The following FXYD7 variants were observed in gnomAD, a reference collection of about 807,000 sequenced individuals.
FXYD7 encodes FXYD domain-containing ion transport regulator 7.
In FXYD7, 7 loss-of-function variants were observed where a neutral mutation model predicts 15.3. That is an observed-to-expected ratio of 0.46 (90% CI 0.26 to 0.86). FXYD7 has a LOEUF of 0.86. Ranked by LOEUF, FXYD7 falls within the 40% of genes least tolerant of loss-of-function variation. The pLI, the probability that FXYD7 is intolerant of heterozygous loss-of-function variation, is 0.16. For synonymous variants in FXYD7, 39 were observed against 39.3 expected, an observed-to-expected ratio of 0.99 and a Z score of 0.03; for missense variants, 78 against 100.6, an observed-to-expected ratio of 0.78 and a Z score of 0.96.
Position 35,143,325 on chromosome 19 carries a change from C to A in FXYD7, c.-9C>A. 2.0e-6 allele frequency: 3 copies of A among 1,536,298 alleles called. No homozygotes were observed. Among genetic ancestry groups the A allele is most frequent in the Non-Finnish European group, 2.6e-6 (3 of 1,141,270 alleles). ...CAAAGCATCCAGCAGCCCCCTGCTC[C>A]GGCCCAGCATGGCGACCCCGACCCA... On this transcript the variant is annotated 5_prime_UTR_variant, in exon 1 of 6. Transcript: ENST00000270310. The surrounding 1 kb of genome is among the most constrained non-coding windows in gnomAD (Gnocchi z 4.3).
At chr19:35,151,513 G>T in intron 4 of FXYD7, 31 bp downstream of exon 4, 1 of 1,610,378 alleles carries the variant, frequency 6.2e-7, no homozygotes, top group South Asian at 1.1e-5. Flanking sequence ...GAGCGGGAGG[G>T]GGCCTCGGGG....
intron 1 of FXYD7, 48 bp from the exon 2 acceptor site, chr19:35,148,646 T>C (rs1192770193): frequency 2.7e-6 from 4 of 1,478,182 alleles, no homozygotes; most frequent in African/African-American, 1.4e-5. Context: ...AGAAATACAC[T>C]GTTAAGTTTT....
chr19:35,145,848 G>T (rs1401025468), intron 1 of FXYD7, among the ~76,000 whole-genome samples: 1 of 152,134 alleles, frequency 6.6e-6, no homozygotes, highest in Non-Finnish European at 1.5e-5. Flanking sequence ...CACGATCACA[G>T]CTCACTGCAG....
At chr19:35,151,775 G>A (rs2065311343) in intron 5 of FXYD7, 102 bp downstream of exon 5, 1 of 742,810 alleles carries the variant, frequency 1.3e-6, no homozygotes, top group Non-Finnish European at 2.5e-6. Flanking sequence ...GCAGGGGGCG[G>A]AGGGGGGGTG....
chr19:35,153,852 T>C, intron 5 of FXYD7, 42 bp from the exon 6 acceptor site: 1 of 1,607,288 alleles, frequency 6.2e-7, no homozygotes, highest in Admixed American at 1.7e-5. Context: ...AGGGAGGCAG[T>C]TTCCACCTTT....
chr19:35,146,231 G>A (rs949523999), intron 1 of FXYD7, among the ~76,000 whole-genome samples: 6 of 151,770 alleles, frequency 4.0e-5, no homozygotes, highest in East Asian at 1.9e-4. Flanking sequence ...TCTGCCTCCC[G>A]GGTTCAAGCA....
At chr19:35,148,080 AAAG>A in intron 1 of FXYD7, among the ~76,000 whole-genome samples, 1 of 148,074 alleles carries the variant, frequency 6.8e-6, no homozygotes, top group Non-Finnish European at 1.5e-5. Flanking sequence ...AGAAAGAAAG[AAAG>A]AAAGAAAGAA....
intron 5 of FXYD7, among the ~76,000 whole-genome samples, chr19:35,152,977 G>A (rs1688004): frequency 0.24 from 31,209 of 127,660 alleles, 4,583 homozygotes; most frequent in South Asian, 0.43. Context: ...TGCGGGAGGG[G>A]GACACGGGTT....
intron 5 of FXYD7, among the ~76,000 whole-genome samples, chr19:35,152,776 G>A (rs1251779732): frequency 6.6e-6 from 1 of 151,656 alleles, no homozygotes; most frequent in Non-Finnish European, 1.5e-5. Flanking sequence ...AGAGCGAGAG[G>A]GATGCAGGGC....
intron 1 of FXYD7, among the ~76,000 whole-genome samples, chr19:35,146,331 G>T (rs2065288839): frequency 6.6e-6 from 1 of 152,098 alleles, no homozygotes; most frequent in Non-Finnish European, 1.5e-5. Context: ...TACAGATGGG[G>T]TTTCACCATA....
chr19:35,153,945 CCCTGCCT>C lies in FXYD7; in HGVS notation c.*30_*36del. On this transcript the variant is annotated 3_prime_UTR_variant, in exon 6 of 6. Coordinates refer to ENST00000270310, the MANE Select transcript of FXYD7 (RefSeq NM_022006.2). ...CTTCCCGAGGAAACTCCGCTGCCGACCCTGCCTGAGCGCGGGAGCCTGAGGACCGGGT... is the reference window on the plus strand; with the variant it reads ...CTTCCCGAGGAAACTCCGCTGCCGACGAGCGCGGGAGCCTGAGGACCGGGT... 1.2e-6 allele frequency: 2 copies of C among 1,608,736 alleles called. No homozygotes were observed. Among genetic ancestry groups the C allele is most frequent in the Non-Finnish European group, 1.7e-6 (2 of 1,176,912 alleles).
intron 2 of FXYD7, among the ~76,000 whole-genome samples, chr19:35,150,999 T>C (rs901937788): frequency 6.6e-6 from 1 of 151,670 alleles, no homozygotes; most frequent in Non-Finnish European, 1.5e-5. Context: ...GAGTATTATA[T>C]ATATATCCAG....
chr19:35,153,233 T>C (rs947690006), intron 5 of FXYD7, among the ~76,000 whole-genome samples: 1 of 151,794 alleles, frequency 6.6e-6, no homozygotes, highest in Non-Finnish European at 1.5e-5. Context: ...CTAATTTTTA[T>C]ATCTTTAGCA....
intron 1 of FXYD7, among the ~76,000 whole-genome samples, chr19:35,144,431 C>T (rs1238638343): frequency 3.9e-5 from 6 of 152,210 alleles, no homozygotes; most frequent in African/African-American, 1.4e-4. Context: ...GCTAATCCTG[C>T]TTCTGCAGAT....
intron 1 of FXYD7, among the ~76,000 whole-genome samples, chr19:35,145,464 C>T (rs370733638): frequency 4.9e-4 from 75 of 152,348 alleles, no homozygotes; most frequent in South Asian, 2.5e-3. Flanking sequence ...TGGGGAAGGA[C>T]GGGTGTGTGG....
chr19:35,153,236 C>T (rs2016458), intron 5 of FXYD7, among the ~76,000 whole-genome samples: 74,427 of 151,062 alleles, frequency 0.49, 19,943 homozygotes, highest in African/African-American at 0.73. Context: ...ATTTTTATAT[C>T]TTTAGCAGAG....
chr19:35,150,218 G>C (rs1173241327), intron 2 of FXYD7, among the ~76,000 whole-genome samples: 21 of 152,146 alleles, frequency 1.4e-4, no homozygotes, highest in Admixed American at 1.4e-3. Context: ...ATGAGCCACT[G>C]TGCCCAGCTC....
chr19:35,151,236 C>T lies in FXYD7; in HGVS notation c.62-18C>T. On this transcript the variant is annotated intron_variant, in intron 2 of 5. Coordinates refer to ENST00000270310, the MANE Select transcript of FXYD7 (RefSeq NM_022006.2). ...AAGGTGCTGTCCCTGCCTCGATGTC[C>T]CCCATTATCTTCCCCAGACTACAAC... The T allele has an allele frequency of 6.5e-7, 1 of 1,535,474 alleles. No individual in the cohort carries two copies. Among genetic ancestry groups the T allele is most frequent in the Non-Finnish European group, 9.0e-7 (1 of 1,108,298 alleles).
Position 35,154,002 on chromosome 19 carries a change from C to A in FXYD7, c.*86C>A. 7.6e-7 allele frequency: 1 copy of A among 1,314,256 alleles called. No homozygotes were observed. Among genetic ancestry groups the A allele is most frequent in the African/African-American group, 1.4e-5 (1 of 69,006 alleles). The allele number at this position is 1,314,256 out of a possible 1,614,324, so 81.4% of individuals were successfully genotyped here. ...TGGAGGCGGTGGGGACCCAGCCGCG[C>A]GCCGGGAGCGCTCCCCGGAATGAGC... On this transcript the variant is annotated 3_prime_UTR_variant, in exon 6 of 6. Coordinates refer to ENST00000270310, the MANE Select transcript of FXYD7 (RefSeq NM_022006.2).
Sources: gnomAD v4.1 joint callset for allele counts (sites outside exome capture counted in the v4.1 genomes callset) on GRCh38, gnomAD v4.1.1 for gene constraint, Gnocchi (gnomAD v3.1) non-coding constraint, MANE v1.5 for transcripts, NCBI Gene and HGNC (gene_info 2026-07-23, HGNC 2026-07-21) for gene names.